The following KCTD2 variants were observed in gnomAD, a reference collection of about 807,000 sequenced individuals.
KCTD2 encodes potassium channel tetramerization domain containing 2.
KCTD2 carries 18 observed loss-of-function variants against 27.9 expected under a neutral mutation model. The observed-to-expected ratio is 0.64, with a 90% CI of 0.45 to 0.96. KCTD2 has a LOEUF of 0.96. KCTD2 is among the 40% of genes least tolerant of loss of function. The probability of loss-of-function intolerance (pLI) is 0.00; values close to 1 mark genes in which losing one functional copy is unlikely to be tolerated. For missense variants in KCTD2, 280 were observed against 348.0 expected (o/e 0.80, Z 1.56); for synonymous variants, 175 against 148.4 (o/e 1.18, Z -1.30).
Position 75,047,573 on chromosome 17 carries a change from A to C in KCTD2, c.323A>C (p.Glu108Ala), listed in dbSNP as rs1333411858. The change falls in exon 1 of 6, where the codon GAG becomes GCG. Residue 108 changes from glutamate to alanine, a missense_variant. Physicochemically the swap from Glu to Ala is moderately radical, Grantham distance 107. Transcript: ENST00000322444. The part of the protein sequence containing the change: ...LCRLCCQEDP[E>A]LDSDKDETGA... ...CGCCTCTGCTGCCAGGAGGACCCGG[A>C]GCTGGACTCAGACAAGGTGTGCCCC... The C allele has an allele frequency of 6.2e-7, 1 of 1,609,518 alleles. No homozygotes were observed. Among genetic ancestry groups the C allele is most frequent in the Non-Finnish European group, 8.5e-7 (1 of 1,178,320 alleles).
At chr17:75,046,742 G>T (rs1360730113), upstream of KCTD2, among the ~76,000 whole-genome samples, 1 of 151,776 alleles carries the variant, frequency 6.6e-6, no homozygotes, top group Non-Finnish European at 1.5e-5. Context: ...GCGCGCCAAG[G>T]AGGGCTGAGG....
upstream of KCTD2, among the ~76,000 whole-genome samples, chr17:75,046,300 T>C (rs1160002129): frequency 2.6e-5 from 4 of 152,146 alleles, no homozygotes; most frequent in African/African-American, 9.7e-5. Flanking sequence ...GCCAGGCTGG[T>C]CTCGAACTCC....
At position 75,051,769 on chromosome 17, in the gene KCTD2, G is replaced by A. The variant is rs182141487; in HGVS notation, c.449-1245G>A. On this transcript the variant is annotated intron_variant, in intron 2 of 5. Transcript: ENST00000322444. ...ATACTGTTTTATGTAACCACAGACA[G>A]TACAGTTATCAAACTCAGGAAATTT... 1.3e-4 allele frequency among the ~76,000 whole-genome samples: 20 copies of A among 152,150 alleles called. 1 individual carries two copies. In the East Asian group the frequency reaches 3.9e-3, roughly 29 times the overall value.
At chr17:75,035,939 ACACT>A in intron 3 of KCTD2, 1 of 396,664 alleles carries the variant, frequency 2.5e-6, no homozygotes, top group Non-Finnish European at 5.1e-6. Context: ...GGCTCTGTCC[ACACT>A]CACACGGCAC....
upstream of KCTD2, among the ~76,000 whole-genome samples, chr17:75,046,225 G>A (rs951095528): frequency 6.6e-5 from 10 of 152,086 alleles, no homozygotes; most frequent in African/African-American, 1.4e-4. Context: ...TGGGATTATA[G>A]GGGCCTTCCA....
intron 3 of KCTD2, chr17:75,059,220 A>G (rs2073379920): frequency 4.7e-6 from 1 of 210,974 alleles, no homozygotes; most frequent in African/African-American, 2.3e-5. Context: ...ATCCCTCTGA[A>G]GTTCAGAATT....
chr17:75,044,361 G>A (rs562971050), upstream of KCTD2, among the ~76,000 whole-genome samples: 34 of 114,946 alleles, frequency 3.0e-4, 14 homozygotes, highest in African/African-American at 2.0e-3. Context: ...GCCCGCCACC[G>A]CGCCCGGCTA....
rs2144922953 is a variant in KCTD2, at chr17:75,047,602, C to T, written c.339+13C>T. 3 of 1,603,292 alleles carry T rather than the reference C, an allele frequency of 1.9e-6. No homozygotes were observed. Among genetic ancestry groups the T allele is most frequent in the Non-Finnish European group, 1.7e-6 (2 of 1,175,450 alleles). Reference sequence around the variant, plus strand: ...GGACTCAGACAAGGTGTGCCCCGCCCTCGGGCGCGCCCCCGGGCCTTCGAA... The same window carrying T: ...GGACTCAGACAAGGTGTGCCCCGCCTTCGGGCGCGCCCCCGGGCCTTCGAA... On this transcript the variant is annotated intron_variant, in intron 1 of 5. Coordinates refer to ENST00000322444, the MANE Select transcript of KCTD2 (RefSeq NM_015353.3).
intron 4 of KCTD2, among the ~76,000 whole-genome samples, chr17:75,060,880 T>C (rs939629392): frequency 3.3e-5 from 5 of 152,232 alleles, no homozygotes. Flanking sequence ...TGCAAAGCTG[T>C]CTCTGCCTTC....
At chr17:75,054,403 A>G (rs937572628) in intron 3 of KCTD2, among the ~76,000 whole-genome samples, 3 of 152,268 alleles carry the variant, frequency 2.0e-5, no homozygotes, top group East Asian at 3.9e-4. Context: ...CGGCACATCT[A>G]TTTCACATCC....
intron 4 of KCTD2, chr17:75,060,738 T>C (rs1374673072): frequency 1.4e-6 from 1 of 729,362 alleles, no homozygotes; most frequent in Non-Finnish European, 2.2e-6. Context: ...ACCGCCTGAG[T>C]AAATATGATT....
chr17:75,053,857 G>GTTTTTTTTTTTTTTTTTTT (rs1567992373), intron 3 of KCTD2, among the ~76,000 whole-genome samples: 1 of 79,530 alleles, frequency 1.3e-5, no homozygotes, highest in African/African-American at 8.2e-5. Context: ...TGTGAACCAT[G>GTTTTTTTTTTTTTTTTTTT]CTTTTTTTTT....
upstream of KCTD2, chr17:75,042,559 A>G: frequency 1.9e-6 from 3 of 1,612,600 alleles, no homozygotes; most frequent in Non-Finnish European, 2.5e-6. Context: ...CCAGGATTTC[A>G]GGGAACTAGC....
upstream of KCTD2, chr17:75,042,447 G>T (rs1307135790): frequency 1.9e-5 from 29 of 1,559,192 alleles, no homozygotes; most frequent in Admixed American, 1.6e-4. Flanking sequence ...AGGGCATCAA[G>T]AATTCATATG....
At position 75,064,768 on chromosome 17, in the gene KCTD2, G is replaced by C. The variant is rs534407062; in HGVS notation, c.*1721G>C. On this transcript the variant is annotated 3_prime_UTR_variant, in exon 6 of 6. Transcript: ENST00000322444. Reference sequence around the variant, plus strand: ...AAGAGTCACAGGCATCCATCCAGTCGTATCTTTCAGAGAAAAAAAAAGTTA... The same window carrying C: ...AAGAGTCACAGGCATCCATCCAGTCCTATCTTTCAGAGAAAAAAAAAGTTA... 1 of 152,098 alleles carries C rather than the reference G, an allele frequency of 6.6e-6. No individual in the cohort carries two copies. The highest frequency in any genetic ancestry group is 2.4e-5 in the African/African-American group (1 of 41,388). The allele number at this position is 152,098 out of a possible 1,614,324, so 9.4% of individuals were successfully genotyped here.
chr17:75,060,593 G>A (rs967485059), intron 4 of KCTD2: 146 of 1,608,764 alleles, frequency 9.1e-5, no homozygotes, highest in East Asian at 4.9e-4. Flanking sequence ...GGCCGGCGCC[G>A]GCCTCCCCGC....
At chr17:75,055,123 C>T (rs139610516) in intron 3 of KCTD2, among the ~76,000 whole-genome samples, 2,785 of 152,042 alleles carry the variant, frequency 0.018, 38 homozygotes, top group Middle Eastern at 0.054. Context: ...GGCATGATCT[C>T]GGCTTACTGC....
chr17:75,063,055 C>A lies in KCTD2; in HGVS notation c.*8C>A. On this transcript the variant is annotated 3_prime_UTR_variant, in exon 6 of 6. Coordinates refer to ENST00000322444, the MANE Select transcript of KCTD2 (RefSeq NM_015353.3). Reference sequence around the variant, plus strand: ...AGAGGATCGCGGATGTAAACTAAGACCCCGAAAACTCCAGACCTTCAGGAG... The same window carrying A: ...AGAGGATCGCGGATGTAAACTAAGAACCCGAAAACTCCAGACCTTCAGGAG... The A allele has an allele frequency of 6.2e-7, 1 of 1,611,614 alleles. No homozygotes were observed. The highest frequency in any genetic ancestry group is 8.5e-7 in the Non-Finnish European group (1 of 1,179,756).
chr17:75,050,584 T>C (rs1054821006), intron 2 of KCTD2, among the ~76,000 whole-genome samples: 1 of 152,144 alleles, frequency 6.6e-6, no homozygotes, highest in Non-Finnish European at 1.5e-5. Flanking sequence ...GATATAGGCA[T>C]GCAGTGTGAA....
Sources: allele counts gnomAD v4.1 joint callset (sites outside exome capture counted in the v4.1 genomes callset), GRCh38; gene constraint gnomAD v4.1.1; transcripts MANE v1.5; gene names NCBI Gene and HGNC (gene_info 2026-07-23, HGNC 2026-07-21).